Variants in IGF1R observed in about 807,000 individuals in gnomAD.
IGF1R encodes insulin-like growth factor 1 receptor.
IGF1R carries 44 observed loss-of-function variants against 144.6 expected under a neutral mutation model. That is an observed-to-expected ratio of 0.30 (90% CI 0.24 to 0.39). The LOEUF (loss-of-function observed/expected upper bound fraction) is 0.39, where lower values mean the gene tolerates loss of function less well. Among genes scored for constraint, IGF1R ranks in the 10% least tolerant of loss-of-function variants. The pLI, the probability that IGF1R is intolerant of heterozygous loss-of-function variation, is 1.00. For synonymous variants in IGF1R, 795 were observed against 722.8 expected (o/e 1.10, Z -1.60); for missense variants, 1,355 against 1,833.7 (o/e 0.74, Z 4.77).
At chr15:98,670,886 T>C (rs1287792957) in intron 1 of IGF1R, among the ~76,000 whole-genome samples, 3 of 152,240 alleles carry the variant, frequency 2.0e-5, no homozygotes, top group East Asian at 1.9e-4. Context: ...AGAATTGATA[T>C]GTTTAATTTC....
intron 2 of IGF1R, among the ~76,000 whole-genome samples, chr15:98,738,938 A>G (rs1029006486): frequency 7.9e-5 from 12 of 151,860 alleles, no homozygotes; most frequent in Non-Finnish European, 1.5e-4. Context: ...ATACCCTCCA[A>G]ACTCTAAGAT....
intron 1 of IGF1R, among the ~76,000 whole-genome samples, chr15:98,702,415 A>G (rs975627425): frequency 6.6e-6 from 1 of 152,088 alleles, no homozygotes; most frequent in Non-Finnish European, 1.5e-5. Flanking sequence ...CAGTGGTGTG[A>G]TCTTGACTTG....
chr15:98,815,662 T>C (rs895489346), intron 2 of IGF1R, among the ~76,000 whole-genome samples: 5 of 152,214 alleles, frequency 3.3e-5, no homozygotes, highest in African/African-American at 1.2e-4. Context: ...GTGCGTAGGA[T>C]AGGGTCCATC....
chr15:98,735,350 T>C (rs1368997451), intron 2 of IGF1R, among the ~76,000 whole-genome samples: 2 of 152,220 alleles, frequency 1.3e-5, no homozygotes, highest in Non-Finnish European at 1.5e-5. Context: ...TCCCCGTGAC[T>C]CTGCCCACCT....
intron 2 of IGF1R, among the ~76,000 whole-genome samples, chr15:98,827,469 A>G (rs2056915214): frequency 1.3e-5 from 2 of 152,212 alleles, no homozygotes; most frequent in African/African-American, 4.8e-5. Context: ...AATGCTTATA[A>G]GGAGAGTTCT....
chr15:98,899,658 A>C, intron 5 of IGF1R, 37 bp downstream of exon 5: 1 of 1,604,208 alleles, frequency 6.2e-7, no homozygotes, highest in Non-Finnish European at 8.5e-7. Context: ...ACGTTCTATT[A>C]CAAAATAAGC....
At chr15:98,941,821 T>C (rs1423469891) in intron 18 of IGF1R, among the ~76,000 whole-genome samples, 1 of 152,214 alleles carries the variant, frequency 6.6e-6, no homozygotes, top group Non-Finnish European at 1.5e-5. Context: ...GTTAGAGACA[T>C]ACATGAGCAT....
intron 5 of IGF1R, among the ~76,000 whole-genome samples, chr15:98,904,360 G>A (rs1000179836): frequency 6.6e-6 from 1 of 152,002 alleles, no homozygotes; most frequent in African/African-American, 2.4e-5. Flanking sequence ...CCTGATGGGT[G>A]AATATTTGAT....
intron 4 of IGF1R, 161 bp downstream of exon 4, chr15:98,897,066 A>G (rs1052357475): frequency 2.9e-6 from 2 of 690,104 alleles, no homozygotes; most frequent in Admixed American, 2.4e-5. Context: ...AGTTTCCCTG[A>G]AAGATAAAGA....
chr15:98,759,158 CA>C (rs2055231672), intron 2 of IGF1R, among the ~76,000 whole-genome samples: 1 of 152,146 alleles, frequency 6.6e-6, no homozygotes, highest in African/African-American at 2.4e-5. Context: ...TACACACGCA[CA>C]GGGGCAGGGG....
chr15:98,887,618 G>A (rs1280041336), intron 2 of IGF1R, among the ~76,000 whole-genome samples: 1 of 152,242 alleles, frequency 6.6e-6, no homozygotes, highest in African/African-American at 2.4e-5. Flanking sequence ...TGATGGTGAT[G>A]TCTGAAGAGC....
chr15:98,713,884 G>A (rs539254288), intron 2 of IGF1R, among the ~76,000 whole-genome samples: 28 of 152,338 alleles, frequency 1.8e-4, no homozygotes, highest in African/African-American at 6.5e-4. Context: ...CTGAGTGCGT[G>A]TGAGAAGGCC....
chr15:98,788,778 T>C (rs1180186801), intron 2 of IGF1R, among the ~76,000 whole-genome samples: 1 of 152,216 alleles, frequency 6.6e-6, no homozygotes, highest in Non-Finnish European at 1.5e-5. Flanking sequence ...ACAGCCCCGG[T>C]CATCTTTGTG....
intron 2 of IGF1R, among the ~76,000 whole-genome samples, chr15:98,847,099 C>A (rs115461289): frequency 1.3e-5 from 2 of 152,248 alleles, no homozygotes; most frequent in African/African-American, 4.8e-5. Flanking sequence ...CCCTCAGTTT[C>A]CCAAGTAGCT....
intron 2 of IGF1R, among the ~76,000 whole-genome samples, chr15:98,790,069 GCT>G (rs1332172871): frequency 6.6e-6 from 1 of 152,174 alleles, no homozygotes; most frequent in Non-Finnish European, 1.5e-5. Flanking sequence ...TGTTCAAGTG[GCT>G]CTGTTCCACT....
chr15:98,887,599 A>T (rs1046081478), intron 2 of IGF1R, among the ~76,000 whole-genome samples: 1 of 152,232 alleles, frequency 6.6e-6, no homozygotes, highest in African/African-American at 2.4e-5. Context: ...CTCTAATGAC[A>T]AAGCATGGTG....
At chr15:98,786,629 A>G (rs1215991950) in intron 2 of IGF1R, among the ~76,000 whole-genome samples, 2 of 152,220 alleles carry the variant, frequency 1.3e-5, no homozygotes, top group Admixed American at 1.3e-4. Flanking sequence ...CCTCTAATAC[A>G]GTGAAAAACC....
At chr15:98,816,795 T>C (rs559837486) in intron 2 of IGF1R, among the ~76,000 whole-genome samples, 2 of 152,248 alleles carry the variant, frequency 1.3e-5, no homozygotes, top group South Asian at 2.1e-4. Flanking sequence ...GCAGCTTTCT[T>C]TGGGGAGGTG....
At position 98,662,424 on chromosome 15, in the gene IGF1R, G is replaced by C. The variant is rs188128354; in HGVS notation, c.94+12749G>C. On this transcript the variant is annotated intron_variant, in intron 1 of 20. Coordinates refer to ENST00000650285, the MANE Select transcript of IGF1R (RefSeq NM_000875.5). ...GGTTTTTAGGTTAACCAGGCTGACT[G>C]GTTCAAGGTCATGTCCCTATCTGTG... 3.0e-3 allele frequency among the ~76,000 whole-genome samples: 452 copies of C among 152,268 alleles called. 7 individuals are homozygous for C. The highest frequency in any genetic ancestry group is 0.01 in the African/African-American group (432 of 41,546).
Sources: allele counts gnomAD v4.1 joint callset (sites outside exome capture counted in the v4.1 genomes callset), GRCh38; gene constraint gnomAD v4.1.1; transcripts MANE v1.5; gene names NCBI Gene and HGNC (gene_info 2026-07-23, HGNC 2026-07-21).